Variants in SPIRE1 observed in about 807,000 individuals in gnomAD.
SPIRE1 encodes the protein protein spire homolog 1.
SPIRE1 carries 40 observed loss-of-function variants against 94.1 expected under a neutral mutation model. The ratio of observed to expected loss-of-function variants is 0.43; its 90% CI spans 0.33 to 0.55. The LOEUF is 0.55. Ranked by LOEUF, SPIRE1 falls within the 20% of genes least tolerant of loss-of-function variation. SPIRE1 has a pLI of 0.06. For synonymous variants in SPIRE1, 376 were observed against 371.7 expected, an observed-to-expected ratio of 1.01 and a Z score of -0.13; for missense variants, 838 against 975.2, an observed-to-expected ratio of 0.86 and a Z score of 1.87.
At chr18:12,552,341 T>C (rs1260524566) in intron 2 of SPIRE1, among the ~76,000 whole-genome samples, 2 of 151,956 alleles carry the variant, frequency 1.3e-5, no homozygotes, top group Non-Finnish European at 2.9e-5. Flanking sequence ...ACTATCCCTC[T>C]CCCAACGCCA....
chr18:12,597,269 T>C (rs77323755), intron 2 of SPIRE1, among the ~76,000 whole-genome samples: 12,948 of 151,406 alleles, frequency 0.086, 802 homozygotes, highest in Non-Finnish European at 0.13. Flanking sequence ...CCCCCCAAAG[T>C]TGAAAGTGAT....
Position 12,540,975 on chromosome 18 carries a change from C to A in SPIRE1, c.604-5374G>T, listed in dbSNP as rs374024553. 3.0e-4 allele frequency among the ~76,000 whole-genome samples: 45 copies of A among 152,336 alleles called. 1 individual carries two copies. Among genetic ancestry groups the A allele is most frequent in the African/African-American group, 1.1e-3 (44 of 41,584 alleles). ...TCTCAGCCTCAAGCGATCTACCTGC[C>A]TTGGCCTCCCAAAGTGCTGGGATTA... On this transcript the variant is annotated intron_variant, in intron 3 of 16. Coordinates refer to ENST00000409402, the MANE Select transcript of SPIRE1 (RefSeq NM_001128626.2).
chr18:12,558,325 T>C (rs759526582), intron 2 of SPIRE1, among the ~76,000 whole-genome samples: 26 of 152,240 alleles, frequency 1.7e-4, no homozygotes, highest in Admixed American at 5.2e-4. Flanking sequence ...CCTGGTGGGT[T>C]TGTGGTCTCG....
intron 2 of SPIRE1, among the ~76,000 whole-genome samples, chr18:12,556,758 G>A (rs948607030): frequency 6.6e-6 from 1 of 152,180 alleles, no homozygotes; most frequent in Non-Finnish European, 1.5e-5. Context: ...TTGGCGGTGA[G>A]TGTTACAGCT....
intron 2 of SPIRE1, among the ~76,000 whole-genome samples, chr18:12,605,971 A>G (rs1204086518): frequency 6.6e-6 from 1 of 152,034 alleles, no homozygotes; most frequent in Non-Finnish European, 1.5e-5. Context: ...TTCCCACTGC[A>G]GGCCTTTGTG....
At chr18:12,554,230 G>A (rs377424283) in intron 2 of SPIRE1, among the ~76,000 whole-genome samples, 51 of 151,050 alleles carry the variant, frequency 3.4e-4, no homozygotes, top group African/African-American at 1.1e-3. Context: ...CCTGGGAGGC[G>A]GAGGTTGCAA....
chr18:12,545,698 A>C lies in SPIRE1; in HGVS notation c.603+976T>G, dbSNP rs149684994. On this transcript the variant is annotated intron_variant, in intron 3 of 16. Coordinates refer to ENST00000409402, the MANE Select transcript of SPIRE1 (RefSeq NM_001128626.2). Reference sequence around the variant, plus strand: ...TAACCAACCAAACTTGCTTCATTACATATAAATACCACTAAGTAGGTCAAG... The same window carrying C: ...TAACCAACCAAACTTGCTTCATTACCTATAAATACCACTAAGTAGGTCAAG... 2.0e-4 allele frequency among the ~76,000 whole-genome samples: 30 copies of C among 152,300 alleles called. No individual in the cohort carries two copies. The East Asian group carries it at 5.4e-3, about 27-fold the overall frequency.
At chr18:12,615,796 C>T (rs2037290953) in intron 2 of SPIRE1, among the ~76,000 whole-genome samples, 1 of 152,054 alleles carries the variant, frequency 6.6e-6, no homozygotes, top group Non-Finnish European at 1.5e-5. Context: ...CTTGCTCTTG[C>T]TTGATTCCTA....
At chr18:12,650,206 T>G (rs1164213369) in intron 1 of SPIRE1, among the ~76,000 whole-genome samples, 2 of 151,764 alleles carry the variant, frequency 1.3e-5, no homozygotes, top group African/African-American at 4.8e-5. Context: ...GCCACTGCAC[T>G]CCAGCCTGGG....
intron 2 of SPIRE1, among the ~76,000 whole-genome samples, chr18:12,629,972 T>C (rs930659718): frequency 6.2e-4 from 94 of 152,248 alleles, no homozygotes; most frequent in African/African-American, 2.2e-3. Context: ...AAACATTAGC[T>C]TGAGGTAAAA....
In SPIRE1 at chr18:12,473,147, T is replaced by C. The variant is rs191373882; in HGVS notation, c.1404+6552A>G. On this transcript the variant is annotated intron_variant, in intron 10 of 16. Transcript: ENST00000409402. ...TATGTTGCTCAGGCTGGCCTCAAAC[T>C]CCTGATCTCGAGCTATCTGACTGGC... 1.2e-3 allele frequency among the ~76,000 whole-genome samples: 178 copies of C among 152,248 alleles called. 1 individual carries two copies. The highest frequency in any genetic ancestry group is 4.1e-3 in the African/African-American group (172 of 41,532).
At chr18:12,512,337 A>G (rs1010842140) in intron 5 of SPIRE1, 117 bp downstream of exon 5, 10 of 675,648 alleles carry the variant, frequency 1.5e-5, no homozygotes, top group Non-Finnish European at 2.5e-5. Context: ...CAGTGAGCTG[A>G]GATCGCACCA....
At chr18:12,553,343 C>T (rs1477690446) in intron 2 of SPIRE1, among the ~76,000 whole-genome samples, 3 of 152,166 alleles carry the variant, frequency 2.0e-5, no homozygotes, top group Non-Finnish European at 2.9e-5. Context: ...AGAGGGGAGC[C>T]CACTGCCCTG....
rs2036862274 is a variant in SPIRE1, at chr18:12,602,442, G to C, written c.372+32620C>G. Among the ~76,000 whole-genome samples the C allele has an allele frequency of 2.6e-5, 4 of 152,142 alleles. No individual in the cohort carries two copies. In the South Asian group the frequency reaches 8.3e-4, roughly 32 times the overall value. On this transcript the variant is annotated intron_variant, in intron 2 of 16. Coordinates refer to ENST00000409402, the MANE Select transcript of SPIRE1 (RefSeq NM_001128626.2). Reference sequence around the variant, plus strand: ...GCTTAGTGAGTAGCCAGCAAGGAGAGGCTGCTCAGTCCCAGGGTGCTGGGA... The same window carrying C: ...GCTTAGTGAGTAGCCAGCAAGGAGACGCTGCTCAGTCCCAGGGTGCTGGGA...
chr18:12,614,810 C>A (rs2037239147), intron 2 of SPIRE1, among the ~76,000 whole-genome samples: 1 of 152,020 alleles, frequency 6.6e-6, no homozygotes, highest in Non-Finnish European at 1.5e-5. Context: ...AAGAGCAAGA[C>A]TCTGTCTTAG....
At chr18:12,639,956 T>A (rs570697034) in intron 1 of SPIRE1, among the ~76,000 whole-genome samples, 35 of 152,158 alleles carry the variant, frequency 2.3e-4, no homozygotes, top group Admixed American at 9.8e-4. Flanking sequence ...TGACACAGAA[T>A]GGCTTTACGA....
At chr18:12,621,192 C>CATTTT (rs1369454060) in intron 2 of SPIRE1, among the ~76,000 whole-genome samples, 7 of 152,178 alleles carry the variant, frequency 4.6e-5, no homozygotes, top group Non-Finnish European at 1.0e-4. Flanking sequence ...ATTTTACATG[C>CATTTT]ACTAGGATGC....
chr18:12,455,073 C>T (rs2031448168), intron 12 of SPIRE1, among the ~76,000 whole-genome samples: 1 of 151,862 alleles, frequency 6.6e-6, no homozygotes, highest in Admixed American at 6.6e-5. Flanking sequence ...GTAGCTGGGA[C>T]TACAGGTGCA....
At chr18:12,565,411 G>GTCGCC (rs1158396211) in intron 2 of SPIRE1, among the ~76,000 whole-genome samples, 4 of 152,026 alleles carry the variant, frequency 2.6e-5, no homozygotes, top group Admixed American at 2.6e-4. Context: ...GCCTCGCTCT[G>GTCGCC]TCGCCCAGGC....
Sources: gnomAD v4.1 joint callset for allele counts (sites outside exome capture counted in the v4.1 genomes callset) on GRCh38, gnomAD v4.1.1 for gene constraint, MANE v1.5 for transcripts, NCBI Gene and HGNC (gene_info 2026-07-23, HGNC 2026-07-21) for gene names.